The following KCMF1 variants were observed in gnomAD, a reference collection of about 807,000 sequenced individuals.
KCMF1 encodes the protein E3 ubiquitin-protein ligase KCMF1.
In KCMF1, 3 loss-of-function variants were observed where a neutral mutation model predicts 41.1. The ratio of observed to expected loss-of-function variants is 0.07; its 90% confidence interval spans 0.03 to 0.19. KCMF1 has a LOEUF of 0.19. KCMF1 is among the 10% of genes least tolerant of loss of function. KCMF1 has a pLI of 1.00. For missense variants in KCMF1, 286 were observed against 488.9 expected (o/e 0.58, Z 3.91); for synonymous variants, 142 against 164.5 (o/e 0.86, Z 1.04).
chr2:84,990,627 A>G (rs937553608), intron 1 of KCMF1, among the ~76,000 whole-genome samples: 1 of 151,728 alleles, frequency 6.6e-6, no homozygotes, highest in Admixed American at 6.6e-5. Flanking sequence ...TGGGCAACAC[A>G]GGGAGACCCT....
intron 4 of KCMF1, 142 bp from the exon 5 acceptor site, chr2:85,045,962 T>A (rs1675657681): frequency 3.0e-6 from 2 of 666,268 alleles, no homozygotes; most frequent in Admixed American, 6.0e-5. Context: ...TAGATAGAGT[T>A]GGGACATTTG....
At chr2:84,974,693 T>TA (rs1559123127) in intron 1 of KCMF1, among the ~76,000 whole-genome samples, 12 of 24,734 alleles carry the variant, frequency 4.9e-4, no homozygotes, top group African/African-American at 7.0e-4. Context: ...ATATATATAT[T>TA]TTTTTTTTTT....
intron 1 of KCMF1, among the ~76,000 whole-genome samples, chr2:84,999,521 TTAAC>T (rs1372585421): frequency 1.3e-5 from 2 of 152,344 alleles, no homozygotes; most frequent in South Asian, 2.1e-4. Flanking sequence ...AGGTGAGTCT[TTAAC>T]TACATTAGAA....
At chr2:85,022,342 C>T (rs374160308) in intron 1 of KCMF1, among the ~76,000 whole-genome samples, 35 of 152,028 alleles carry the variant, frequency 2.3e-4, no homozygotes, top group African/African-American at 6.7e-4. Flanking sequence ...GGCATGGTGG[C>T]GCACACCAGT....
chr2:85,008,365 TATATC>T (rs1674556943), intron 1 of KCMF1, among the ~76,000 whole-genome samples: 1 of 20,302 alleles, frequency 4.9e-5, no homozygotes, highest in Non-Finnish European at 1.7e-4. Context: ...ATATATATTA[TATATC>T]ATATGATATA....
At chr2:85,018,283 T>C (rs997648345) in intron 1 of KCMF1, among the ~76,000 whole-genome samples, 1 of 150,494 alleles carries the variant, frequency 6.6e-6, no homozygotes, top group Non-Finnish European at 1.5e-5. Flanking sequence ...TTTTTTTTTT[T>C]TTTTTTGAGA....
intron 1 of KCMF1, among the ~76,000 whole-genome samples, chr2:84,995,837 T>A (rs1674165333): frequency 6.6e-6 from 1 of 152,170 alleles, no homozygotes; most frequent in Admixed American, 6.5e-5. Flanking sequence ...TTAAGTAAAA[T>A]GCTCAAATGT....
chr2:85,039,927 C>T (rs970265094), intron 3 of KCMF1, among the ~76,000 whole-genome samples: 1 of 152,166 alleles, frequency 6.6e-6, no homozygotes, highest in African/African-American at 2.4e-5. Flanking sequence ...ATTCTCCTGC[C>T]TCAGCCTCCC....
intron 1 of KCMF1, among the ~76,000 whole-genome samples, chr2:85,024,547 GGAGAGT>G (rs1436467701): frequency 1.4e-5 from 2 of 140,392 alleles, no homozygotes; most frequent in South Asian, 4.6e-4. Context: ...TTTTTGATTT[GGAGAGT>G]GAGAGAGAGA....
chr2:85,023,505 T>C (rs1299338861), intron 1 of KCMF1, among the ~76,000 whole-genome samples: 1 of 151,794 alleles, frequency 6.6e-6, no homozygotes, highest in African/African-American at 2.4e-5. Context: ...GTATTTTTAG[T>C]AGAGACGGGG....
chr2:85,024,957 G>T (rs80215069), intron 1 of KCMF1, among the ~76,000 whole-genome samples: 10,071 of 152,004 alleles, frequency 0.066, 580 homozygotes, highest in East Asian at 0.34. Flanking sequence ...CCATCTTACT[G>T]TAGTTATTAT....
intron 1 of KCMF1, among the ~76,000 whole-genome samples, chr2:84,974,171 T>C (rs1402713974): frequency 6.6e-6 from 1 of 152,188 alleles, no homozygotes; most frequent in East Asian, 1.9e-4. Flanking sequence ...CTCAGTCATC[T>C]GTCCACCTCC....
At position 85,054,327 on chromosome 2, in the gene KCMF1, A is replaced by G. The variant is rs760416689; in HGVS notation, c.*918A>G. ...TGTTTTTAAAAATCTCACATTCTCA[A>G]TCATATTTTGCATTATTTATGTATT... On this transcript the variant is annotated 3_prime_UTR_variant, in exon 7 of 7. Transcript: ENST00000409785. 4 of 152,106 alleles carry G rather than the reference A, an allele frequency of 2.6e-5. No homozygotes were observed. The highest frequency in any genetic ancestry group is 5.9e-5 in the Non-Finnish European group (4 of 68,024). 9.4% of individuals were successfully genotyped at this position (152,106 alleles called of 1,614,324 possible).
intron 2 of KCMF1, among the ~76,000 whole-genome samples, chr2:85,029,541 G>A (rs1675209757): frequency 6.6e-6 from 1 of 151,570 alleles, no homozygotes; most frequent in East Asian, 1.9e-4. Context: ...CAAGTGTGCA[G>A]TGAACCCTGA....
At chr2:85,008,290 A>T (rs7340153) in intron 1 of KCMF1, among the ~76,000 whole-genome samples, 1,928 of 12,170 alleles carry the variant, frequency 0.16, 103 homozygotes, top group African/African-American at 0.3. Context: ...ATGATATATA[A>T]TATATATAAT....
At chr2:84,994,564 C>T (rs1044346648) in intron 1 of KCMF1, among the ~76,000 whole-genome samples, 10 of 152,144 alleles carry the variant, frequency 6.6e-5, no homozygotes, top group African/African-American at 2.4e-4. Flanking sequence ...CCGCCACACC[C>T]AGCTAATTTT....
At chr2:85,027,745 A>G in intron 1 of KCMF1, 144 bp from the exon 2 acceptor site, 1 of 602,160 alleles carries the variant, frequency 1.7e-6, no homozygotes, top group Non-Finnish European at 3.0e-6. Flanking sequence ...ACATGGCTAA[A>G]ACTTCCCGTA....
chr2:84,991,428 A>G (rs924947618), intron 1 of KCMF1, among the ~76,000 whole-genome samples: 6 of 152,242 alleles, frequency 3.9e-5, no homozygotes, highest in African/African-American at 7.2e-5. Flanking sequence ...CAGCAGCAAT[A>G]TCATTAGAAA....
At chr2:85,032,460 T>A (rs1255679075) in intron 2 of KCMF1, among the ~76,000 whole-genome samples, 4 of 152,114 alleles carry the variant, frequency 2.6e-5, no homozygotes. Flanking sequence ...CACTGCAACC[T>A]CTGCCTCCCG....
Sources: allele counts gnomAD v4.1 joint callset (sites outside exome capture counted in the v4.1 genomes callset), GRCh38; gene constraint gnomAD v4.1.1; transcripts MANE v1.5; gene names NCBI Gene and HGNC (gene_info 2026-07-23, HGNC 2026-07-21).